Variants in ADAMTS12 observed in about 807,000 individuals in gnomAD.
The protein encoded by ADAMTS12 is A disintegrin and metalloproteinase with thrombospondin motifs 12.
ADAMTS12 carries 118 observed loss-of-function variants against 167.8 expected under a neutral mutation model. The observed-to-expected ratio is 0.70, with a 90% CI of 0.61 to 0.82. The LOEUF (loss-of-function observed/expected upper bound fraction) is 0.82. Ranked by LOEUF, ADAMTS12 falls within the 40% of genes least tolerant of loss-of-function variation. The pLI, the probability that ADAMTS12 is intolerant of heterozygous loss-of-function variation, is 0.00. For missense variants in ADAMTS12, 1,916 were observed against 1,998.8 expected, an observed-to-expected ratio of 0.96 and a Z score of 0.79; for synonymous variants, 704 against 716.9, an observed-to-expected ratio of 0.98 and a Z score of 0.29.
At chr5:33,583,743 A>G (rs1006483620) in intron 18 of ADAMTS12, among the ~76,000 whole-genome samples, 11 of 152,186 alleles carry the variant, frequency 7.2e-5, no homozygotes, top group Admixed American at 6.5e-4. Flanking sequence ...CTGATGATCA[A>G]CGATATTGAG....
intron 2 of ADAMTS12, among the ~76,000 whole-genome samples, chr5:33,757,571 C>T (rs543334225): frequency 6.6e-6 from 1 of 152,272 alleles, no homozygotes; most frequent in South Asian, 2.1e-4. Context: ...CTAATACAAC[C>T]CTAATATACA....
intron 13 of ADAMTS12, among the ~76,000 whole-genome samples, chr5:33,628,016 G>T (rs10060379): frequency 0.18 from 26,639 of 152,072 alleles, 2,608 homozygotes; most frequent in African/African-American, 0.24. Context: ...GATCAAAAAA[G>T]GGGTGTGATG....
intron 16 of ADAMTS12, among the ~76,000 whole-genome samples, chr5:33,608,886 A>G (rs1038328545): frequency 1.3e-5 from 2 of 152,156 alleles, no homozygotes; most frequent in Non-Finnish European, 2.9e-5. Context: ...GAAGCTAGAA[A>G]CAGATGTTCC....
At chr5:33,876,342 G>C (rs1305861318) in intron 2 of ADAMTS12, among the ~76,000 whole-genome samples, 1 of 152,140 alleles carries the variant, frequency 6.6e-6, no homozygotes, top group Non-Finnish European at 1.5e-5. Context: ...AAACAATTTT[G>C]AAAAAGTAGA....
chr5:33,578,947 A>G (rs1194944478), intron 18 of ADAMTS12, among the ~76,000 whole-genome samples: 1 of 152,170 alleles, frequency 6.6e-6, no homozygotes, highest in Non-Finnish European at 1.5e-5. Context: ...AAATAATAAT[A>G]ATAATAATTT....
At chr5:33,541,725 A>G (rs569220370) in intron 22 of ADAMTS12, among the ~76,000 whole-genome samples, 4 of 152,210 alleles carry the variant, frequency 2.6e-5, no homozygotes, top group Admixed American at 2.6e-4. Flanking sequence ...AATTTCATAT[A>G]CAACCAAACT....
chr5:33,780,916 A>G (rs968638517), intron 2 of ADAMTS12, among the ~76,000 whole-genome samples: 1 of 152,126 alleles, frequency 6.6e-6, no homozygotes, highest in African/African-American at 2.4e-5. Flanking sequence ...AGGGAATCTC[A>G]GTGGTGGGAT....
intron 16 of ADAMTS12, among the ~76,000 whole-genome samples, chr5:33,606,533 C>T (rs1264508219): frequency 6.6e-6 from 1 of 152,234 alleles, no homozygotes; most frequent in Non-Finnish European, 1.5e-5. Flanking sequence ...CGTGCCCACT[C>T]TAGCCACTTG....
At chr5:33,770,998 C>A (rs1235976667) in intron 2 of ADAMTS12, among the ~76,000 whole-genome samples, 1 of 151,994 alleles carries the variant, frequency 6.6e-6, no homozygotes, top group African/African-American at 2.4e-5. Context: ...GTCCTCATTA[C>A]TTTTTAAATT....
At position 33,609,946 on chromosome 5, in the gene ADAMTS12, A is replaced by G. The variant is rs560740349; in HGVS notation, c.2527+4292T>C. On this transcript the variant is annotated intron_variant, in intron 16 of 23. Coordinates refer to ENST00000504830, the MANE Select transcript of ADAMTS12 (RefSeq NM_030955.4). ...TGTAATTGCAGCACTTTGGGAGGCCAAAGTGGGCGGATCACCTGAGGTCAG... is the reference window on the plus strand; with the variant it reads ...TGTAATTGCAGCACTTTGGGAGGCCGAAGTGGGCGGATCACCTGAGGTCAG... 6.6e-5 allele frequency among the ~76,000 whole-genome samples: 10 copies of G among 152,056 alleles called. No individual in the cohort carries two copies. In the East Asian group the frequency reaches 1.6e-3, roughly 24 times the overall value.
chr5:33,716,327 A>G (rs2112326868), intron 3 of ADAMTS12, among the ~76,000 whole-genome samples: 1 of 152,238 alleles, frequency 6.6e-6, no homozygotes, highest in South Asian at 2.1e-4. Flanking sequence ...ACTGTTAGAA[A>G]TAAATTTCTG....
chr5:33,806,390 A>G (rs1429551346), intron 2 of ADAMTS12, among the ~76,000 whole-genome samples: 1 of 152,234 alleles, frequency 6.6e-6, no homozygotes. Context: ...ATGGCCAGCT[A>G]GCTCAGGGGC....
chr5:33,672,056 C>G (rs1012651867), intron 5 of ADAMTS12, among the ~76,000 whole-genome samples: 2 of 145,578 alleles, frequency 1.4e-5, no homozygotes, highest in African/African-American at 5.4e-5. Flanking sequence ...CACATACACA[C>G]TCACATACAT....
chr5:33,547,969 G>A (rs2111824764), intron 21 of ADAMTS12, among the ~76,000 whole-genome samples: 1 of 152,268 alleles, frequency 6.6e-6, no homozygotes, highest in South Asian at 2.1e-4. Flanking sequence ...AACTAGGCAG[G>A]GGAAGGAGGA....
At chr5:33,687,384 A>T (rs377176986) in intron 3 of ADAMTS12, among the ~76,000 whole-genome samples, 80 of 152,356 alleles carry the variant, frequency 5.3e-4, no homozygotes, top group Middle Eastern at 3.4e-3. Context: ...GCTCAAAAAG[A>T]TTAGGTAATT....
intron 3 of ADAMTS12, among the ~76,000 whole-genome samples, chr5:33,690,311 C>T (rs1297808412): frequency 6.6e-6 from 1 of 152,146 alleles, no homozygotes; most frequent in Non-Finnish European, 1.5e-5. Context: ...ACAGACTATC[C>T]ATTTCTCAAA....
chr5:33,540,795 A>G (rs1053766558), intron 22 of ADAMTS12, among the ~76,000 whole-genome samples: 2 of 152,140 alleles, frequency 1.3e-5, no homozygotes, highest in African/African-American at 4.8e-5. Context: ...CAACATCAAC[A>G]AAAAGGACAT....
At chr5:33,769,291 T>C (rs562660954) in intron 2 of ADAMTS12, among the ~76,000 whole-genome samples, 1 of 152,250 alleles carries the variant, frequency 6.6e-6, no homozygotes, top group African/African-American at 2.4e-5. Flanking sequence ...AACTGTAAGA[T>C]AGTAAGTTTG....
chr5:33,751,099 A>T (rs898744238), intron 3 of ADAMTS12: 3 of 454,060 alleles, frequency 6.6e-6, no homozygotes, highest in Non-Finnish European at 1.2e-5. Context: ...GAGTTTTTTA[A>T]AAAAAATTCA....
Sources: allele counts gnomAD v4.1 joint callset (sites outside exome capture counted in the v4.1 genomes callset), GRCh38; gene constraint gnomAD v4.1.1; transcripts MANE v1.5; gene names NCBI Gene and HGNC (gene_info 2026-07-23, HGNC 2026-07-21).